Variants in PSD3 observed in about 807,000 individuals in gnomAD.
The protein encoded by PSD3 is pleckstrin and Sec7 domain containing 3.
Under a neutral mutation model 105.5 loss-of-function variants are expected in PSD3, and 49 were observed. The observed-to-expected ratio is 0.46, with a 90% CI of 0.37 to 0.59. The LOEUF (loss-of-function observed/expected upper bound fraction) is 0.59, where lower values mean the gene tolerates loss of function less well. Among genes scored for constraint, PSD3 ranks in the 20% least tolerant of loss-of-function variants. The probability of loss-of-function intolerance (pLI) is 0.00; values close to 1 mark genes in which losing one functional copy is unlikely to be tolerated. For synonymous variants in PSD3, 557 were observed against 457.8 expected (o/e 1.22, Z -2.77); for missense variants, 1,561 against 1,263.8 (o/e 1.24, Z -3.57).
chr8:18,824,227 G>A (rs971732352), intron 4 of PSD3, among the ~76,000 whole-genome samples: 4 of 152,128 alleles, frequency 2.6e-5, no homozygotes, highest in African/African-American at 9.7e-5. Flanking sequence ...ATTTTCCAAA[G>A]ACACAAAGAT....
chr8:18,641,510 G>C (rs914465008), intron 10 of PSD3, among the ~76,000 whole-genome samples: 5 of 152,232 alleles, frequency 3.3e-5, no homozygotes, highest in African/African-American at 1.2e-4. Flanking sequence ...GATCAGAGAG[G>C]AGGGAAGAGT....
intron 4 of PSD3, among the ~76,000 whole-genome samples, chr8:18,835,409 A>C (rs1814022138): frequency 6.6e-6 from 1 of 152,172 alleles, no homozygotes; most frequent in African/African-American, 2.4e-5. Context: ...ATTTTTATTT[A>C]ACTTAGTCTT....
chr8:18,860,547 G>A (rs572731778), intron 4 of PSD3, among the ~76,000 whole-genome samples: 1 of 152,106 alleles, frequency 6.6e-6, no homozygotes, highest in East Asian at 1.9e-4. Context: ...TCAGTTTACA[G>A]AGGGCTTATG....
At chr8:19,080,964 GAAAGCTTT>G (rs1213011262) in intron 1 of PSD3, among the ~76,000 whole-genome samples, 2 of 152,112 alleles carry the variant, frequency 1.3e-5, no homozygotes, top group Non-Finnish European at 2.9e-5. Context: ...CGATGATAGA[GAAAGCTTT>G]TCCCCCCTGT....
At chr8:19,079,261 G>C (rs184243499) in intron 1 of PSD3, among the ~76,000 whole-genome samples, 1 of 152,184 alleles carries the variant, frequency 6.6e-6, no homozygotes, top group Non-Finnish European at 1.5e-5. Context: ...AGACATCTGT[G>C]TCAAAACCAA....
intron 8 of PSD3, among the ~76,000 whole-genome samples, chr8:18,790,190 T>C (rs1238699601): frequency 6.6e-6 from 1 of 152,162 alleles, no homozygotes; most frequent in Non-Finnish European, 1.5e-5. Context: ...ATGGCATACT[T>C]AGATAAGGAT....
intron 14 of PSD3, among the ~76,000 whole-genome samples, chr8:18,566,614 G>C (rs1007484738): frequency 6.6e-6 from 1 of 152,014 alleles, no homozygotes; most frequent in South Asian, 2.1e-4. Flanking sequence ...CAAAGCAAAT[G>C]CTGGGTGATG....
intron 1 of PSD3, among the ~76,000 whole-genome samples, chr8:18,986,938 T>C (rs896480807): frequency 6.6e-6 from 1 of 152,038 alleles, no homozygotes; most frequent in Non-Finnish European, 1.5e-5. Context: ...AGTGTTCCAT[T>C]AATGGAACGC....
chr8:18,617,649 AACTTGAAAAACCAGTTT>A (rs201963124), intron 11 of PSD3, among the ~76,000 whole-genome samples: 5,532 of 152,250 alleles, frequency 0.036, 148 homozygotes, highest in East Asian at 0.13. Flanking sequence ...ATTCCAAAGG[AACTTGAAAAACCAGTTT>A]AGGACATGAC....
chr8:18,819,134 C>G (rs1208914720), intron 4 of PSD3, among the ~76,000 whole-genome samples: 1 of 152,168 alleles, frequency 6.6e-6, no homozygotes, highest in Non-Finnish European at 1.5e-5. Context: ...ACTCCTGACT[C>G]CAAATCCAAC....
At chr8:18,661,086 C>T (rs893042382) in intron 9 of PSD3, among the ~76,000 whole-genome samples, 4 of 152,156 alleles carry the variant, frequency 2.6e-5, no homozygotes, top group African/African-American at 9.7e-5. Context: ...CATTGTGTAA[C>T]CGTGAGTCTC....
At chr8:19,007,924 C>G (rs1234366148) in intron 1 of PSD3, among the ~76,000 whole-genome samples, 2 of 152,154 alleles carry the variant, frequency 1.3e-5, no homozygotes, top group African/African-American at 4.8e-5. Flanking sequence ...CTCACTGCAA[C>G]CTCCGCCTCC....
chr8:19,000,189 G>C (rs2059653), intron 1 of PSD3: 105,764 of 151,080 alleles, frequency 0.7, 37,835 homozygotes, highest in East Asian at 0.91. Flanking sequence ...CCAGTGGTTT[G>C]AGACCAGCCT....
intron 2 of PSD3, among the ~76,000 whole-genome samples, chr8:18,906,633 G>A (rs1819867282): frequency 6.6e-6 from 1 of 152,120 alleles, no homozygotes; most frequent in Non-Finnish European, 1.5e-5. Flanking sequence ...CAAATCAGAA[G>A]TGGTAGTATC....
At chr8:19,017,685 T>A (rs1222647087), upstream of PSD3, among the ~76,000 whole-genome samples, 2 of 152,228 alleles carry the variant, frequency 1.3e-5, no homozygotes, top group African/African-American at 4.8e-5. Context: ...GACTGGCTTC[T>A]TGCACTTATC....
At chr8:18,545,598 G>T (rs948889918) in intron 15 of PSD3, among the ~76,000 whole-genome samples, 8 of 152,100 alleles carry the variant, frequency 5.3e-5, no homozygotes, top group East Asian at 1.9e-4. Context: ...TTTGCCTAAG[G>T]ATAAAAGTTT....
At chr8:19,045,963 A>C (rs573054059) in intron 1 of PSD3, among the ~76,000 whole-genome samples, 1 of 152,320 alleles carries the variant, frequency 6.6e-6, no homozygotes, top group East Asian at 1.9e-4. Context: ...TATAACCATC[A>C]TCCCTTATCC....
chr8:18,886,379 A>G (rs1818452274), intron 2 of PSD3, among the ~76,000 whole-genome samples: 1 of 152,094 alleles, frequency 6.6e-6, no homozygotes. Context: ...GGAATTAAAG[A>G]ATGGTTGGCG....
chr8:18,914,907 T>C (rs936146194), intron 2 of PSD3, among the ~76,000 whole-genome samples: 1 of 152,126 alleles, frequency 6.6e-6, no homozygotes, highest in Non-Finnish European at 1.5e-5. Flanking sequence ...ACCAATCTGG[T>C]GCAAAACAAA....
Sources: gnomAD v4.1 joint callset for allele counts (sites outside exome capture counted in the v4.1 genomes callset) on GRCh38, gnomAD v4.1.1 for gene constraint, MANE v1.5 for transcripts, NCBI Gene and HGNC (gene_info 2026-07-23, HGNC 2026-07-21) for gene names.